The following RAD51B variants were observed in gnomAD, a reference collection of about 807,000 sequenced individuals.
RAD51B encodes RAD51 paralog B.
In RAD51B, 38 loss-of-function variants were observed where a neutral mutation model predicts 42.2. The ratio of observed to expected loss-of-function variants is 0.90; its 90% CI spans 0.70 to 1.18. The LOEUF (loss-of-function observed/expected upper bound fraction) is 1.18. Among genes scored for constraint, RAD51B ranks in the 50% most tolerant of loss-of-function variants. The probability of loss-of-function intolerance (pLI) is 0.00; values close to 1 mark genes in which losing one functional copy is unlikely to be tolerated. For missense variants in RAD51B, 373 were observed against 400.7 expected, an observed-to-expected ratio of 0.93 and a Z score of 0.59; for synonymous variants, 154 against 145.2, an observed-to-expected ratio of 1.06 and a Z score of -0.43.
At chr14:68,658,876 C>T (rs1892875179) in intron 11 of RAD51B, among the ~76,000 whole-genome samples, 1 of 152,194 alleles carries the variant, frequency 6.6e-6, no homozygotes, top group Non-Finnish European at 1.5e-5. Context: ...ACTGAGGACC[C>T]AAGAAGTTAT....
At chr14:68,232,672 G>T (rs886955047) in intron 7 of RAD51B, among the ~76,000 whole-genome samples, 1 of 152,210 alleles carries the variant, frequency 6.6e-6, no homozygotes, top group African/African-American at 2.4e-5. Context: ...ATAGGATATT[G>T]TCAGAGGTAA....
At chr14:67,878,078 A>G (rs1258871040) in intron 5 of RAD51B, among the ~76,000 whole-genome samples, 1 of 152,236 alleles carries the variant, frequency 6.6e-6, no homozygotes, top group African/African-American at 2.4e-5. Flanking sequence ...TTTTCCTAAT[A>G]TAGTTATAGT....
At chr14:67,951,791 TGAA>T (rs1236874231) in intron 7 of RAD51B, among the ~76,000 whole-genome samples, 1 of 152,216 alleles carries the variant, frequency 6.6e-6, no homozygotes, top group Non-Finnish European at 1.5e-5. Context: ...AAGTTAACCT[TGAA>T]GAAACCTCCT....
At chr14:67,948,546 G>A (rs2074378148) in intron 7 of RAD51B, among the ~76,000 whole-genome samples, 1 of 152,106 alleles carries the variant, frequency 6.6e-6, no homozygotes, top group Non-Finnish European at 1.5e-5. Context: ...AATAATGTGA[G>A]TGATACATTT....
At chr14:68,600,417 G>A (rs1891170571), downstream of RAD51B, among the ~76,000 whole-genome samples, 1 of 152,172 alleles carries the variant, frequency 6.6e-6, no homozygotes, top group Admixed American at 6.5e-5. Flanking sequence ...TTAAACTCTA[G>A]ACTGGGAGTG....
At chr14:68,615,946 AC>A (rs1247848667), downstream of RAD51B, among the ~76,000 whole-genome samples, 4 of 152,140 alleles carry the variant, frequency 2.6e-5, no homozygotes, top group Non-Finnish European at 4.4e-5. Context: ...ATGTCATCTT[AC>A]TATTTGTTTT....
intron 7 of RAD51B, among the ~76,000 whole-genome samples, chr14:67,897,869 C>G (rs896716931): frequency 6.6e-6 from 1 of 152,132 alleles, no homozygotes; most frequent in Admixed American, 6.5e-5. Context: ...TCAGGCTGAT[C>G]TCGAACTCCT....
chr14:68,258,523 A>T (rs1422726803), intron 7 of RAD51B, among the ~76,000 whole-genome samples: 2 of 151,922 alleles, frequency 1.3e-5, no homozygotes, highest in African/African-American at 2.4e-5. Context: ...TATCTCTTTA[A>T]CTAGTAATAT....
chr14:68,466,843 A>G, intron 9 of RAD51B, among the ~76,000 whole-genome samples: 1 of 152,224 alleles, frequency 6.6e-6, no homozygotes, highest in East Asian at 1.9e-4. Context: ...GGAAAATTGT[A>G]GGCTCTGCCA....
At chr14:67,926,081 C>T (rs1368572875) in intron 7 of RAD51B, among the ~76,000 whole-genome samples, 1 of 152,184 alleles carries the variant, frequency 6.6e-6, no homozygotes, top group African/African-American at 2.4e-5. Context: ...ACATTTTTTC[C>T]ATTGTCTTGG....
At chr14:68,624,085 G>A (rs572567490) in intron 10 of RAD51B, among the ~76,000 whole-genome samples, 10 of 152,170 alleles carry the variant, frequency 6.6e-5, no homozygotes, top group Admixed American at 6.5e-4. Flanking sequence ...CCCCTGTGGA[G>A]GTCCAGGCAT....
chr14:67,910,280 T>C (rs1197530683), intron 7 of RAD51B, among the ~76,000 whole-genome samples: 2 of 134,920 alleles, frequency 1.5e-5, no homozygotes, highest in Non-Finnish European at 3.1e-5. Context: ...GTTTCTGCTT[T>C]AACTTATAAA....
intron 7 of RAD51B, among the ~76,000 whole-genome samples, chr14:68,035,394 A>AC (rs1163505457): frequency 6.6e-6 from 1 of 152,134 alleles, no homozygotes; most frequent in Non-Finnish European, 1.5e-5. Context: ...TAACAAATTA[A>AC]CATATCCTGA....
At chr14:68,087,866 A>ATTATTT (rs2077011319) in intron 7 of RAD51B, among the ~76,000 whole-genome samples, 2 of 79,260 alleles carry the variant, frequency 2.5e-5, no homozygotes, top group African/African-American at 1.5e-4. Flanking sequence ...ATAATTATAT[A>ATTATTT]ATATATTATT....
chr14:68,373,260 C>G (rs1425967201), intron 8 of RAD51B, among the ~76,000 whole-genome samples: 1 of 152,124 alleles, frequency 6.6e-6, no homozygotes, highest in Non-Finnish European at 1.5e-5. Context: ...CTATTTAATC[C>G]TCTAAACTCT....
intron 7 of RAD51B, among the ~76,000 whole-genome samples, chr14:68,005,866 A>G (rs60201005): frequency 0.28 from 42,855 of 152,032 alleles, 8,110 homozygotes; most frequent in African/African-American, 0.54. Flanking sequence ...GGAGGCCTCA[A>G]GAAACTTTGA....
At chr14:68,318,831 A>G (rs2082109259) in intron 8 of RAD51B, among the ~76,000 whole-genome samples, 1 of 152,140 alleles carries the variant, frequency 6.6e-6, no homozygotes, top group Non-Finnish European at 1.5e-5. Flanking sequence ...CTGCATGTGT[A>G]TTTTTTTCAT....
chr14:67,874,386 C>T (rs1448354034), intron 5 of RAD51B, among the ~76,000 whole-genome samples: 1 of 151,808 alleles, frequency 6.6e-6, no homozygotes, highest in Non-Finnish European at 1.5e-5. Flanking sequence ...CCAACAAATT[C>T]ATAAACTTTC....
chr14:68,222,502 G>T (rs1274661), intron 7 of RAD51B, among the ~76,000 whole-genome samples: 1 of 151,912 alleles, frequency 6.6e-6, no homozygotes, highest in Non-Finnish European at 1.5e-5. Context: ...TAAGAATGAT[G>T]CATGGGACTT....
Sources: gnomAD v4.1 joint callset for allele counts (sites outside exome capture counted in the v4.1 genomes callset) on GRCh38, gnomAD v4.1.1 for gene constraint, MANE v1.5 for transcripts, NCBI Gene and HGNC (gene_info 2026-07-23, HGNC 2026-07-21) for gene names.